Variants in SPATA13 observed in about 807,000 individuals in gnomAD.
SPATA13 encodes spermatogenesis-associated protein 13.
SPATA13 carries 50 observed loss-of-function variants against 104.0 expected under a neutral mutation model. The ratio of observed to expected loss-of-function variants is 0.48; its 90% CI spans 0.38 to 0.61. The LOEUF is 0.61. Among genes scored for constraint, SPATA13 ranks in the 20% least tolerant of loss-of-function variants. The pLI, the probability that SPATA13 is intolerant of heterozygous loss-of-function variation, is 0.00. For missense variants in SPATA13, 1,524 were observed against 1,690.6 expected (o/e 0.90, Z 1.73); for synonymous variants, 606 against 667.5 (o/e 0.91, Z 1.42).
At chr13:24,268,640 T>A (rs1171629724) in intron 4 of SPATA13, among the ~76,000 whole-genome samples, 3 of 152,112 alleles carry the variant, frequency 2.0e-5, no homozygotes, top group Non-Finnish European at 2.9e-5. Flanking sequence ...GCGCCTGTAA[T>A]CCCAGCTACT....
chr13:23,986,359 G>A (rs1441719256), intron 2 of SPATA13, among the ~76,000 whole-genome samples: 1 of 152,216 alleles, frequency 6.6e-6, no homozygotes, highest in Non-Finnish European at 1.5e-5. Flanking sequence ...CAGGAGACCT[G>A]GGTGCAAGTC....
At chr13:24,230,736 A>G (rs1872216659) in intron 2 of SPATA13, among the ~76,000 whole-genome samples, 1 of 152,154 alleles carries the variant, frequency 6.6e-6, no homozygotes, top group Non-Finnish European at 1.5e-5. Context: ...GGAGCTGCAG[A>G]CGGCTTGCAG....
chr13:24,115,230 T>C (rs9553184), intron 3 of SPATA13, among the ~76,000 whole-genome samples: 11,868 of 152,206 alleles, frequency 0.078, 737 homozygotes, highest in East Asian at 0.31. Context: ...TCCAGGTGCC[T>C]CTCACAGCAG....
intron 3 of SPATA13, among the ~76,000 whole-genome samples, chr13:24,087,001 C>T (rs1048778538): frequency 3.5e-4 from 54 of 152,320 alleles, no homozygotes; most frequent in Non-Finnish European, 2.5e-4. Context: ...GTATTAGGAA[C>T]GTTTTCTTTT....
chr13:24,054,290 A>G (rs1432146251), intron 3 of SPATA13, among the ~76,000 whole-genome samples: 1 of 152,224 alleles, frequency 6.6e-6, no homozygotes, highest in Non-Finnish European at 1.5e-5. Context: ...ATTTAAAGAG[A>G]ACTGCAAATC....
chr13:24,056,299 C>A (rs1482733470), intron 3 of SPATA13, among the ~76,000 whole-genome samples: 1 of 152,220 alleles, frequency 6.6e-6, no homozygotes, highest in Non-Finnish European at 1.5e-5. Flanking sequence ...CATTAGGACC[C>A]ATTTAGAGAT....
chr13:24,044,104 C>G (rs1212288106), intron 3 of SPATA13, among the ~76,000 whole-genome samples: 1 of 152,232 alleles, frequency 6.6e-6, no homozygotes, highest in Non-Finnish European at 1.5e-5. Flanking sequence ...GTGGAGGGCT[C>G]CTGCCCTGGC....
At chr13:24,141,675 A>G (rs1175123021) in intron 3 of SPATA13, among the ~76,000 whole-genome samples, 1 of 152,212 alleles carries the variant, frequency 6.6e-6, no homozygotes, top group Non-Finnish European at 1.5e-5. Flanking sequence ...CCTGCCACGC[A>G]GGGGGTATGG....
intron 2 of SPATA13, among the ~76,000 whole-genome samples, chr13:24,000,035 A>G (rs889917800): frequency 1.3e-5 from 2 of 152,236 alleles, no homozygotes; most frequent in Admixed American, 1.3e-4. Flanking sequence ...TGCCCTCATT[A>G]GTTATCACCA....
At chr13:24,103,526 G>A (rs1395765900) in intron 3 of SPATA13, among the ~76,000 whole-genome samples, 1 of 144,486 alleles carries the variant, frequency 6.9e-6, no homozygotes, top group Non-Finnish European at 1.5e-5. Flanking sequence ...AGCAGGGGAG[G>A]AGAGAGAGAG....
chr13:24,142,984 G>A (rs1475165712), intron 3 of SPATA13, among the ~76,000 whole-genome samples: 1 of 152,146 alleles, frequency 6.6e-6, no homozygotes, highest in Non-Finnish European at 1.5e-5. Flanking sequence ...AAACTGCTTC[G>A]GAGGTTGGGT....
At chr13:23,995,776 C>T (rs1026259114) in intron 2 of SPATA13, among the ~76,000 whole-genome samples, 5 of 152,056 alleles carry the variant, frequency 3.3e-5, no homozygotes, top group African/African-American at 1.2e-4. Flanking sequence ...CTCTTTGAAA[C>T]GTGTAGAGAA....
At chr13:24,237,317 T>C (rs1452217886) in intron 2 of SPATA13, among the ~76,000 whole-genome samples, 4 of 152,100 alleles carry the variant, frequency 2.6e-5, no homozygotes, top group African/African-American at 9.7e-5. Flanking sequence ...GAGCCGAGAT[T>C]GCACCACTGC....
intron 2 of SPATA13, chr13:24,017,603 T>G: frequency 1.1e-6 from 1 of 894,956 alleles, no homozygotes; most frequent in Non-Finnish European, 1.3e-6. Flanking sequence ...CATTCCGATT[T>G]AACCTCAGCT....
At chr13:24,063,649 G>C (rs1477540635) in intron 3 of SPATA13, among the ~76,000 whole-genome samples, 1 of 152,174 alleles carries the variant, frequency 6.6e-6, no homozygotes, top group African/African-American at 2.4e-5. Context: ...CACTCAAGTG[G>C]GGGCGGCTCC....
chr13:24,234,520 T>A (rs982870202), intron 2 of SPATA13, among the ~76,000 whole-genome samples: 1 of 152,244 alleles, frequency 6.6e-6, no homozygotes, highest in African/African-American at 2.4e-5. Flanking sequence ...CACCGATTGA[T>A]TTGGCTGTGT....
chr13:24,291,843 G>A (rs948629351), intron 9 of SPATA13, among the ~76,000 whole-genome samples: 91 of 149,516 alleles, frequency 6.1e-4, no homozygotes, highest in African/African-American at 2.1e-3. Flanking sequence ...TGCAAGCTCC[G>A]CTTCCCGGGT....
intron 2 of SPATA13, among the ~76,000 whole-genome samples, chr13:23,994,089 G>A (rs532084983): frequency 1.3e-4 from 20 of 151,764 alleles, no homozygotes; most frequent in Admixed American, 3.9e-4. Context: ...TGCCAGTGAC[G>A]GATATTCTTG....
chr13:24,187,414 A>G (rs2760360), intron 1 of SPATA13, among the ~76,000 whole-genome samples: 1 of 151,838 alleles, frequency 6.6e-6, no homozygotes, highest in African/African-American at 2.4e-5. Flanking sequence ...CCTTCTATTT[A>G]TAGAAGTTTG....
Sources: allele counts gnomAD v4.1 joint callset (sites outside exome capture counted in the v4.1 genomes callset), GRCh38; gene constraint gnomAD v4.1.1; transcripts MANE v1.5; gene names NCBI Gene and HGNC (gene_info 2026-07-23, HGNC 2026-07-21).